The following COL4A1 variants were observed in gnomAD, a reference collection of about 807,000 sequenced individuals.
COL4A1 encodes collagen alpha-1(IV) chain.
In COL4A1, 40 loss-of-function variants were observed where a neutral mutation model predicts 216.6. That is an observed-to-expected ratio of 0.18 (90% CI 0.14 to 0.24). The LOEUF (loss-of-function observed/expected upper bound fraction) is 0.24. Among genes scored for constraint, COL4A1 ranks in the 10% least tolerant of loss-of-function variants. COL4A1 has a pLI of 1.00. For synonymous variants in COL4A1, 839 were observed against 810.7 expected (o/e 1.03, Z -0.59); for missense variants, 1,628 against 2,196.8 (o/e 0.74, Z 5.18).
At chr13:110,292,210 T>A (rs1427652101) in intron 1 of COL4A1, among the ~76,000 whole-genome samples, 1 of 152,200 alleles carries the variant, frequency 6.6e-6, no homozygotes, top group Admixed American at 6.5e-5. Context: ...TGACAGTTCT[T>A]ACTATAAAAA....
rs3742207 is a variant in COL4A1, at chr13:110,166,251, T to G, written c.4002A>C (p.Gln1334His). The change falls in exon 45 of 52, where the codon CAA becomes CAC. Residue 1334 changes from glutamine to histidine, a missense_variant. Coordinates refer to ENST00000375820, the MANE Select transcript of COL4A1 (RefSeq NM_001845.6). ...TCCTACCTTTAGCTCCCGGGACGCCTTGATCGCCTTGATCACCTTTAATTC... is the reference window on the plus strand; with the variant it reads ...TCCTACCTTTAGCTCCCGGGACGCCGTGATCGCCTTGATCACCTTTAATTC... ...LQGIKGDQGD[Q>H]GVPGAKGLPG... 526,631 of 1,606,430 alleles carry G rather than the reference T, an allele frequency of 0.33. 88,279 individuals are homozygous for G. Among genetic ancestry groups the G allele is most frequent in the Middle Eastern group, 0.4 (2,428 of 6,042 alleles).
chr13:110,185,537 A>C lies in COL4A1; in HGVS notation c.1897+848T>G, dbSNP rs1397290424. Reference sequence around the variant, plus strand: ...CTTTCACTCACTTTTACAACTTTTGAATGTTTCCTAGCAACGCGCATTTAC... The same window carrying C: ...CTTTCACTCACTTTTACAACTTTTGCATGTTTCCTAGCAACGCGCATTTAC... On this transcript the variant is annotated intron_variant, in intron 26 of 51. Coordinates refer to ENST00000375820, the MANE Select transcript of COL4A1 (RefSeq NM_001845.6). Among the ~76,000 whole-genome samples the C allele has an allele frequency of 2.0e-5, 3 of 152,152 alleles. No individual in the cohort carries two copies. The East Asian group carries it at 5.8e-4, about 29-fold the overall frequency.
chr13:110,248,539 T>C (rs762529556), intron 1 of COL4A1, among the ~76,000 whole-genome samples: 1 of 151,886 alleles, frequency 6.6e-6, no homozygotes, highest in African/African-American at 2.4e-5. Flanking sequence ...TGGCGCAGGC[T>C]GGAGTGCACT....
chr13:110,203,167 C>T (rs984465528), intron 18 of COL4A1, among the ~76,000 whole-genome samples: 1 of 151,674 alleles, frequency 6.6e-6, no homozygotes, highest in Non-Finnish European at 1.5e-5. Context: ...GAGCCAAGAT[C>T]GCACCACTGC....
intron 47 of COL4A1, 26 bp downstream of exon 47, chr13:110,163,437 A>C (rs755397451): frequency 2.5e-6 from 4 of 1,606,382 alleles, no homozygotes; most frequent in African/African-American, 1.3e-5. Flanking sequence ...GTCAAGGGTA[A>C]TTACGTTGGA....
At chr13:110,181,609 T>C (rs984302280) in intron 28 of COL4A1, among the ~76,000 whole-genome samples, 6 of 152,004 alleles carry the variant, frequency 3.9e-5, no homozygotes, top group African/African-American at 1.4e-4. Flanking sequence ...GCCCTCCTCT[T>C]TCTCTCTCCT....
At chr13:110,170,113 A>AGAAGGAAGGAAG (rs58546192) in intron 42 of COL4A1, among the ~76,000 whole-genome samples, 2 of 123,444 alleles carry the variant, frequency 1.6e-5, no homozygotes, top group Non-Finnish European at 3.3e-5. Context: ...AAGGGAGGAA[A>AGAAGGAAGGAAG]GAAGGAAGGA....
chr13:110,153,198 G>C (rs1003872136), intron 50 of COL4A1, among the ~76,000 whole-genome samples: 2 of 152,148 alleles, frequency 1.3e-5, no homozygotes, highest in Admixed American at 1.3e-4. Context: ...GGAGACACAA[G>C]GGACCTTTGA....
At chr13:110,231,358 C>T (rs1447347023) in intron 2 of COL4A1, among the ~76,000 whole-genome samples, 3 of 152,180 alleles carry the variant, frequency 2.0e-5, no homozygotes, top group East Asian at 1.9e-4. Context: ...ATTTCCAAAT[C>T]GGGAAAAACC....
rs1182977501 is a variant in COL4A1 at position 110,178,246 on chromosome 13, A to G, written c.2459-15T>C. ...TCCAGGAGGGCCTGCAGTTGGGTGA[A>G]ACACAAATAACTTTTAGCAGAATTT... is the stretch of plus-strand genomic sequence containing the variant. On this transcript the variant is annotated splice_polypyrimidine_tract_variant and intron_variant, in intron 31 of 51. Transcript: ENST00000375820. 6.2e-7 allele frequency: 1 copy of G among 1,613,438 alleles called. No homozygotes were observed.
At chr13:110,197,168 T>C (rs1365645399) in intron 21 of COL4A1, among the ~76,000 whole-genome samples, 1 of 152,110 alleles carries the variant, frequency 6.6e-6, no homozygotes, top group African/African-American at 2.4e-5. Flanking sequence ...ACCCCCTTCA[T>C]GTCTTTGTAA....
intron 12 of COL4A1, 59 bp downstream of exon 12, chr13:110,208,790 C>T (rs1879634577): frequency 2.0e-6 from 3 of 1,496,376 alleles, no homozygotes; most frequent in Non-Finnish European, 2.8e-6. Context: ...AAGGTGGGAA[C>T]TGTCAGGTGA....
intron 2 of COL4A1, among the ~76,000 whole-genome samples, chr13:110,216,765 A>G (rs1880105676): frequency 6.6e-6 from 1 of 152,144 alleles, no homozygotes; most frequent in Admixed American, 6.5e-5. Flanking sequence ...AGAACATCAA[A>G]CAATTCACCA....
intron 2 of COL4A1, among the ~76,000 whole-genome samples, chr13:110,235,425 CG>C (rs927451641): frequency 3.3e-5 from 5 of 151,894 alleles, no homozygotes; most frequent in African/African-American, 1.2e-4. Context: ...CTGAGGCGGG[CG>C]GATCACAAGG....
chr13:110,223,595 C>A (rs625053), intron 2 of COL4A1, among the ~76,000 whole-genome samples: 43,070 of 152,214 alleles, frequency 0.28, 6,338 homozygotes, highest in Non-Finnish European at 0.32. Flanking sequence ...CTGCTACAGG[C>A]TTGGAACCTC....
intron 1 of COL4A1, among the ~76,000 whole-genome samples, chr13:110,251,585 G>A (rs919622601): frequency 2.6e-5 from 4 of 152,232 alleles, no homozygotes; most frequent in East Asian, 1.9e-4. Context: ...CTGCAAGGGA[G>A]GTGAGCAGAG....
At chr13:110,275,757 C>T (rs756485632) in intron 1 of COL4A1, among the ~76,000 whole-genome samples, 1 of 152,080 alleles carries the variant, frequency 6.6e-6, no homozygotes, top group Admixed American at 6.6e-5. Flanking sequence ...CATGGAGGAA[C>T]CTCAAATGCA....
intron 1 of COL4A1, among the ~76,000 whole-genome samples, chr13:110,267,872 T>C (rs1883101646): frequency 6.6e-6 from 1 of 152,160 alleles, no homozygotes; most frequent in Non-Finnish European, 1.5e-5. Flanking sequence ...TATATTTATA[T>C]GTATATGTGT....
intron 2 of COL4A1, among the ~76,000 whole-genome samples, chr13:110,242,014 A>G (rs1881590248): frequency 6.6e-6 from 1 of 152,206 alleles, no homozygotes; most frequent in Non-Finnish European, 1.5e-5. Flanking sequence ...ACGGTGACCC[A>G]CAGACAGTAC....
Sources: gnomAD v4.1 joint callset for allele counts (sites outside exome capture counted in the v4.1 genomes callset) on GRCh38, gnomAD v4.1.1 for gene constraint, MANE v1.5 for transcripts, NCBI Gene and HGNC (gene_info 2026-07-23, HGNC 2026-07-21) for gene names.